Variants in GALNTL6 observed in about 807,000 individuals in gnomAD.
GALNTL6 encodes polypeptide N-acetylgalactosaminyltransferase-like 6.
A neutral mutation model predicts 73.7 loss-of-function variants in GALNTL6; 46 were observed. That is an observed-to-expected ratio of 0.62 (90% CI 0.49 to 0.80). The LOEUF is 0.80. Ranked by LOEUF, GALNTL6 falls within the 30% of genes least tolerant of loss-of-function variation. The pLI, the probability that GALNTL6 is intolerant of heterozygous loss-of-function variation, is 0.00. For missense variants in GALNTL6, 604 were observed against 755.0 expected (o/e 0.80, Z 2.34); for synonymous variants, 259 against 263.7 (o/e 0.98, Z 0.17).
intron 2 of GALNTL6, among the ~76,000 whole-genome samples, chr4:171,843,114 G>C (rs534735962): frequency 1.8e-4 from 28 of 152,116 alleles, no homozygotes; most frequent in African/African-American, 5.1e-4. Flanking sequence ...CTAGAATGAT[G>C]GAATAATAAA....
intron 5 of GALNTL6, among the ~76,000 whole-genome samples, chr4:172,466,064 A>G (rs1732804416): frequency 6.6e-6 from 1 of 152,200 alleles, no homozygotes; most frequent in East Asian, 1.9e-4. Context: ...AAATGAGATT[A>G]TGTCATAAAA....
intron 2 of GALNTL6, among the ~76,000 whole-genome samples, chr4:172,173,083 A>G (rs888000027): frequency 2.6e-4 from 39 of 152,144 alleles, no homozygotes; most frequent in Non-Finnish European, 2.9e-4. Flanking sequence ...TGGCCATTTG[A>G]TGTCATTTGT....
At chr4:172,341,199 C>T (rs1741546199) in intron 4 of GALNTL6, among the ~76,000 whole-genome samples, 1 of 151,948 alleles carries the variant, frequency 6.6e-6, no homozygotes, top group African/African-American at 2.4e-5. Flanking sequence ...GTCCTGTAAT[C>T]CCAGCACTTT....
intron 4 of GALNTL6, among the ~76,000 whole-genome samples, chr4:172,337,200 CG>C (rs1001999463): frequency 6.6e-6 from 1 of 151,794 alleles, no homozygotes; most frequent in Admixed American, 6.6e-5. Flanking sequence ...AGCTGCTGGA[CG>C]GGTCATTTTT....
At chr4:172,643,899 A>C (rs1357145482) in intron 5 of GALNTL6, among the ~76,000 whole-genome samples, 1 of 151,806 alleles carries the variant, frequency 6.6e-6, no homozygotes, top group African/African-American at 2.4e-5. Context: ...ATTTCTCTTG[A>C]GTATATATTT....
chr4:172,419,335 G>A (rs1730962741), intron 5 of GALNTL6, among the ~76,000 whole-genome samples: 1 of 152,156 alleles, frequency 6.6e-6, no homozygotes, highest in Non-Finnish European at 1.5e-5. Flanking sequence ...GGTTCATTGT[G>A]AGGATAAAGT....
chr4:171,934,103 T>G (rs781185233), intron 2 of GALNTL6, among the ~76,000 whole-genome samples: 11 of 152,170 alleles, frequency 7.2e-5, no homozygotes, highest in Non-Finnish European at 1.6e-4. Flanking sequence ...GGAGTCCCTT[T>G]GGGATAAATA....
chr4:171,926,717 C>T (rs751946734), intron 2 of GALNTL6, among the ~76,000 whole-genome samples: 8 of 152,122 alleles, frequency 5.3e-5, no homozygotes, highest in Admixed American at 1.3e-4. Flanking sequence ...GTACTCCAAA[C>T]ATTATTTAAT....
chr4:172,921,254 A>G (rs1034345833), intron 8 of GALNTL6, among the ~76,000 whole-genome samples: 1 of 152,224 alleles, frequency 6.6e-6, no homozygotes, highest in Admixed American at 6.5e-5. Flanking sequence ...AATTTGAATT[A>G]TTATTTCCAT....
chr4:172,030,125 G>A (rs1191770009), intron 2 of GALNTL6, among the ~76,000 whole-genome samples: 1 of 152,058 alleles, frequency 6.6e-6, no homozygotes, highest in African/African-American at 2.4e-5. Context: ...GAGAAACAAT[G>A]TAGATTTTAA....
At chr4:172,881,617 T>C (rs915503786) in intron 7 of GALNTL6, among the ~76,000 whole-genome samples, 1 of 152,216 alleles carries the variant, frequency 6.6e-6, no homozygotes. Flanking sequence ...ATAAATTGGA[T>C]TGGTGTCTAC....
At chr4:172,140,491 G>A (rs6831860) in intron 2 of GALNTL6, among the ~76,000 whole-genome samples, 72,234 of 151,712 alleles carry the variant, frequency 0.48, 17,947 homozygotes, top group African/African-American at 0.6. Context: ...ATAAATATCA[G>A]CGCATTTAAT....
intron 5 of GALNTL6, among the ~76,000 whole-genome samples, chr4:172,568,411 A>C (rs542297669): frequency 5.8e-4 from 89 of 152,274 alleles, no homozygotes; most frequent in African/African-American, 2.0e-3. Context: ...GGAGTCAGTG[A>C]ACGAAGCCAT....
chr4:172,160,823 G>T (rs971904115), intron 2 of GALNTL6, among the ~76,000 whole-genome samples: 23 of 151,576 alleles, frequency 1.5e-4, no homozygotes, highest in Non-Finnish European at 3.1e-4. Context: ...AGGGCACATA[G>T]GCTGGGGAGT....
At chr4:172,398,103 A>G (rs776264124) in intron 5 of GALNTL6, among the ~76,000 whole-genome samples, 7 of 152,142 alleles carry the variant, frequency 4.6e-5, no homozygotes, top group African/African-American at 7.2e-5. Context: ...TCATCACCAT[A>G]CTGTTAGTAT....
At chr4:172,054,746 G>A (rs1442480900) in intron 2 of GALNTL6, among the ~76,000 whole-genome samples, 2 of 152,124 alleles carry the variant, frequency 1.3e-5, no homozygotes, top group African/African-American at 2.4e-5. Flanking sequence ...AAAAGTAACC[G>A]TATTCAATAG....
intron 5 of GALNTL6, among the ~76,000 whole-genome samples, chr4:172,503,004 A>G (rs1051280541): frequency 6.6e-6 from 1 of 152,204 alleles, no homozygotes; most frequent in Non-Finnish European, 1.5e-5. Context: ...AAATGCTCAA[A>G]ATTGCCACCT....
chr4:172,586,877 C>T (rs762237961), intron 5 of GALNTL6, among the ~76,000 whole-genome samples: 49 of 152,144 alleles, frequency 3.2e-4, no homozygotes, highest in Non-Finnish European at 6.3e-4. Context: ...GGCCTAAAAA[C>T]GTCTCCTGAT....
chr4:172,825,087 T>TTTC (rs1387891454), intron 7 of GALNTL6, among the ~76,000 whole-genome samples: 9 of 85,978 alleles, frequency 1.0e-4, no homozygotes, highest in Non-Finnish European at 2.2e-5. Context: ...CTTTTCTTTC[T>TTTC]TTCTTTCTTT....
Sources: allele counts gnomAD v4.1 joint callset (sites outside exome capture counted in the v4.1 genomes callset), GRCh38; gene constraint gnomAD v4.1.1; transcripts MANE v1.5; gene names NCBI Gene and HGNC (gene_info 2026-07-23, HGNC 2026-07-21).